ADAMTS18: variants seen among roughly 807,000 people sequenced by gnomAD.
The protein encoded by ADAMTS18 is A disintegrin and metalloproteinase with thrombospondin motifs 18.
Under a neutral mutation model 165.9 loss-of-function variants are expected in ADAMTS18, and 157 were observed. The observed-to-expected ratio is 0.95, with a 90% confidence interval of 0.83 to 1.08. The LOEUF is 1.08. Ranked by LOEUF, ADAMTS18 falls within the 50% of genes least tolerant of loss-of-function variation. The pLI, the probability that ADAMTS18 is intolerant of heterozygous loss-of-function variation, is 0.00. For missense variants in ADAMTS18, 2,040 were observed against 1,534.0 expected (o/e 1.33, Z -5.51); for synonymous variants, 782 against 578.2 (o/e 1.35, Z -5.06).
intron 3 of ADAMTS18, among the ~76,000 whole-genome samples, chr16:77,375,583 A>C (rs9936164): frequency 0.3 from 45,231 of 151,974 alleles, 7,486 homozygotes; most frequent in East Asian, 0.57. Context: ...GATGTCTCAG[A>C]GCTAAGGAGC....
chr16:77,402,038 T>C (rs957378560), intron 3 of ADAMTS18, among the ~76,000 whole-genome samples: 2 of 152,168 alleles, frequency 1.3e-5, no homozygotes, highest in Non-Finnish European at 2.9e-5. Context: ...GCAGACAGCA[T>C]ATTGTGGAAA....
chr16:77,342,260 G>A (rs1480103822), intron 10 of ADAMTS18, among the ~76,000 whole-genome samples: 1 of 152,164 alleles, frequency 6.6e-6, no homozygotes, highest in Non-Finnish European at 1.5e-5. Context: ...ATGAGCACTT[G>A]ACTCTATAGA....
At chr16:77,403,996 C>T (rs370071648) in intron 3 of ADAMTS18, among the ~76,000 whole-genome samples, 14 of 97,872 alleles carry the variant, frequency 1.4e-4, no homozygotes, top group African/African-American at 4.7e-4. Flanking sequence ...AGCAACCCAC[C>T]CTTCCTCCCT....
chr16:77,317,036 C>A lies in ADAMTS18; in HGVS notation c.2532+2813G>T, dbSNP rs116025721. Reference sequence around the variant, plus strand: ...TGCTCTTTACCTGGTTGGGTCTTCTCATCCTTCAAGTTTCACCTCACATGG... The same window carrying A: ...TGCTCTTTACCTGGTTGGGTCTTCTAATCCTTCAAGTTTCACCTCACATGG... On this transcript the variant is annotated intron_variant, in intron 16 of 22. Transcript: ENST00000282849. Among the ~76,000 whole-genome samples the A allele has an allele frequency of 5.1e-3, 774 of 152,290 alleles. 8 individuals are homozygous for A. The highest frequency in any genetic ancestry group is 0.018 in the African/African-American group (742 of 41,564).
chr16:77,327,917 C>T (rs959433901), intron 12 of ADAMTS18, among the ~76,000 whole-genome samples: 2 of 152,192 alleles, frequency 1.3e-5, no homozygotes, highest in African/African-American at 4.8e-5. Flanking sequence ...CCCAATCCAG[C>T]TGTCAGTCAT....
intron 16 of ADAMTS18, among the ~76,000 whole-genome samples, chr16:77,317,097 CAA>C (rs947961019): frequency 1.3e-5 from 2 of 152,138 alleles, no homozygotes; most frequent in Non-Finnish European, 2.9e-5. Context: ...CTCTCTAATT[CAA>C]AAAGTCTGTT....
rs767768139 is a variant in ADAMTS18, at chr16:77,335,803, T to C, written c.1812A>G (p.Thr604=). 2.7e-5 allele frequency: 43 copies of C among 1,614,082 alleles called. 1 individual carries two copies. In the Admixed American group the frequency reaches 6.5e-4, roughly 24 times the overall value. ...CCTGGAACTTGACTCCTCCACCACA[T>C]GTCCGGGAACATTCTGACCACTTCG... ...AWSKWSECSR[T]CGGGVKFQER... Residue 604 remains threonine (T), a synonymous_variant, in exon 12 of 23, where the codon ACA becomes ACG. Coordinates refer to ENST00000282849, the MANE Select transcript of ADAMTS18 (RefSeq NM_199355.4).
intron 16 of ADAMTS18, among the ~76,000 whole-genome samples, chr16:77,311,720 T>C (rs62044889): frequency 0.22 from 32,554 of 146,958 alleles, 4,217 homozygotes; most frequent in East Asian, 0.6. Context: ...TTTTTTGCTT[T>C]GAATATATTT....
chr16:77,405,893 A>C (rs2057387355), intron 3 of ADAMTS18, among the ~76,000 whole-genome samples: 1 of 152,154 alleles, frequency 6.6e-6, no homozygotes. Flanking sequence ...ACTCTCACAG[A>C]TCCTACTTCC....
chr16:77,379,181 A>G (rs1185566604), intron 3 of ADAMTS18, among the ~76,000 whole-genome samples: 1 of 152,232 alleles, frequency 6.6e-6, no homozygotes, highest in Non-Finnish European at 1.5e-5. Flanking sequence ...TGCTTCTCTC[A>G]TGAGGCGCCT....
chr16:77,406,156 T>G (rs2144818733), intron 3 of ADAMTS18, among the ~76,000 whole-genome samples: 1 of 152,166 alleles, frequency 6.6e-6, no homozygotes, highest in East Asian at 1.9e-4. Context: ...TGACTAAAAG[T>G]GACACTACAT....
At chr16:77,297,790 G>A (rs1167004285) in intron 17 of ADAMTS18, among the ~76,000 whole-genome samples, 2 of 151,882 alleles carry the variant, frequency 1.3e-5, no homozygotes, top group African/African-American at 4.8e-5. Context: ...AGTTATATAT[G>A]GAAACCCTAA....
chr16:77,364,519 A>C, intron 4 of ADAMTS18, 138 bp from the exon 5 acceptor site: 1 of 933,622 alleles, frequency 1.1e-6, no homozygotes, highest in Non-Finnish European at 1.6e-6. Flanking sequence ...TGATGCTATC[A>C]GTGCCTGCCC....
At position 77,302,468 on chromosome 16, in the gene ADAMTS18, G is replaced by A. The variant is rs1285830200; in HGVS notation, c.2533-2064C>T. ...AGTTACAGTGCGCTAAGGCCCACAAGGCAGAATGGTATTGCAGTACAAAGA... is the reference window on the plus strand; with the variant it reads ...AGTTACAGTGCGCTAAGGCCCACAAAGCAGAATGGTATTGCAGTACAAAGA... On this transcript the variant is annotated intron_variant, in intron 16 of 22. Transcript: ENST00000282849. Among the ~76,000 whole-genome samples, 3 of 152,112 alleles carry A rather than the reference G, an allele frequency of 2.0e-5. No homozygotes were observed. The East Asian group carries it at 5.8e-4, about 29-fold the overall frequency.
chr16:77,382,763 C>T lies in ADAMTS18; in HGVS notation c.496-15040G>A, dbSNP rs367612634. Among the ~76,000 whole-genome samples, 11 of 152,268 alleles carry T rather than the reference C, an allele frequency of 7.2e-5. No homozygotes were observed. In the South Asian group the frequency reaches 1.5e-3, roughly 20 times the overall value. ...GACCAAGACGACAGCTAGCATGTCT[C>T]GATTTAATGGAAACCAGACTTTCCA... On this transcript the variant is annotated intron_variant, in intron 3 of 22. Transcript: ENST00000282849.
intron 3 of ADAMTS18, among the ~76,000 whole-genome samples, chr16:77,371,034 G>C (rs567558704): frequency 6.6e-6 from 1 of 152,258 alleles, no homozygotes; most frequent in South Asian, 2.1e-4. Flanking sequence ...GGGCAACATA[G>C]TGAAACCCTG....
At chr16:77,405,238 A>T (rs2057379204) in intron 3 of ADAMTS18, among the ~76,000 whole-genome samples, 1 of 152,194 alleles carries the variant, frequency 6.6e-6, no homozygotes, top group Non-Finnish European at 1.5e-5. Flanking sequence ...CTCATGGTCA[A>T]CTGCATTCAA....
At chr16:77,365,849 T>C (rs1242347855) in intron 4 of ADAMTS18, among the ~76,000 whole-genome samples, 1 of 152,232 alleles carries the variant, frequency 6.6e-6, no homozygotes, top group Non-Finnish European at 1.5e-5. Context: ...AAACTCAGGT[T>C]GGCCACTTAT....
intron 3 of ADAMTS18, among the ~76,000 whole-genome samples, chr16:77,410,716 A>G (rs1978628): frequency 0.23 from 34,907 of 152,060 alleles, 4,247 homozygotes; most frequent in Non-Finnish European, 0.27. Context: ...TGGTATAAGA[A>G]CAATAAAATT....
Sources: gnomAD v4.1 joint callset for allele counts (sites outside exome capture counted in the v4.1 genomes callset) on GRCh38, gnomAD v4.1.1 for gene constraint, MANE v1.5 for transcripts, NCBI Gene and HGNC (gene_info 2026-07-23, HGNC 2026-07-21) for gene names.